FOXP3: variants seen among roughly 807,000 people sequenced by gnomAD.
FOXP3 encodes forkhead box P3.
FOXP3 carries 5 observed loss-of-function variants against 31.2 expected under a neutral mutation model. That is an observed-to-expected ratio of 0.16 (90% CI 0.08 to 0.34). The LOEUF (loss-of-function observed/expected upper bound fraction) is 0.34. FOXP3 is among the 10% of genes least tolerant of loss of function. FOXP3 has a pLI of 1.00. For synonymous variants in FOXP3, 141 were observed against 148.8 expected, an observed-to-expected ratio of 0.95 and a Z score of 0.38; for missense variants, 251 against 363.0, an observed-to-expected ratio of 0.69 and a Z score of 2.51.
At position 49,251,265 on chromosome X, in the gene FOXP3, G is replaced by T; in HGVS notation, c.*69C>A. On this transcript the variant is annotated 3_prime_UTR_variant, in exon 12 of 12. Transcript: ENST00000376207. Reference sequence around the variant, plus strand: ...GGCACATCCAGGGCCTATCATCCCTGCCCCCACCACCTCTGCCTCCCACCA... The same window carrying T: ...GGCACATCCAGGGCCTATCATCCCTTCCCCCACCACCTCTGCCTCCCACCA... 8.8e-7 allele frequency: 1 copy of T among 1,140,296 alleles called. No homozygotes were observed. Among genetic ancestry groups the T allele is most frequent in the Non-Finnish European group, 1.2e-6 (1 of 842,004 alleles). The allele number at this position is 1,140,296 out of a possible 1,213,427, so 94.0% of individuals were successfully genotyped here.
intron 9 of FOXP3, among the ~76,000 whole-genome samples, chrX:49,253,491 T>C (rs1557115847): frequency 8.8e-6 from 1 of 113,204 alleles, no homozygotes; most frequent in African/African-American, 3.2e-5. Flanking sequence ...AGGTCTCTGA[T>C]CCCTGCTAAG....
chrX:49,255,955 G>A (rs2066067104), intron 6 of FOXP3, among the ~76,000 whole-genome samples, 153 bp from the exon 7 acceptor site: 2 of 110,967 alleles, frequency 1.8e-5, no homozygotes, highest in South Asian at 7.6e-4. Context: ...CACACCCCTC[G>A]TTCCCTTAAC....
chrX:49,254,730 C>T (rs2066057248), intron 8 of FOXP3, among the ~76,000 whole-genome samples: 1 of 111,403 alleles, frequency 9.0e-6, no homozygotes, highest in Non-Finnish European at 1.9e-5. Context: ...GCCTGGCCTC[C>T]AGGGCTGGCT....
chrX:49,263,173 C>CAAAAAAAAA (rs72024386), intron 1 of FOXP3, among the ~76,000 whole-genome samples: 3 of 59,000 alleles, frequency 5.1e-5, no homozygotes, highest in Non-Finnish European at 9.0e-5. Context: ...ACCAGACAAC[C>CAAAAAAAAA]AAAAAAAAAA....
At position 49,256,274 on chromosome X, in the gene FOXP3, G is replaced by T. The variant is rs997174862; in HGVS notation, c.648-472C>A. On this transcript the variant is annotated intron_variant, in intron 6 of 11. Coordinates refer to ENST00000376207, the MANE Select transcript of FOXP3 (RefSeq NM_014009.4). ...AGAGAGAGAGAGAGAGAGAGAGAGA[G>T]ACATATGGGGGGACTGAGGGGAGGC... 7.7e-5 allele frequency among the ~76,000 whole-genome samples: 6 copies of T among 78,166 alleles called. No homozygotes were observed. The East Asian group carries it at 2.1e-3, about 27-fold the overall frequency. 67.9% of individuals were successfully genotyped at this position (78,166 alleles called of 115,157 possible).
intron 7 of FOXP3, 39 bp from the exon 8 acceptor site, chrX:49,255,548 T>C: frequency 8.7e-7 from 1 of 1,152,317 alleles, no homozygotes; most frequent in Non-Finnish European, 1.2e-6. Context: ...AGCCTGGCCC[T>C]TCTCTGCCAC....
intron 4 of FOXP3, 138 bp downstream of exon 4, chrX:49,257,289 T>G (rs2066080250): frequency 1.2e-6 from 1 of 851,813 alleles, no homozygotes; most frequent in Non-Finnish European, 1.6e-6. Context: ...TTTTGGAGGG[T>G]GGAGTTTCCA....
At chrX:49,255,149 A>G (rs1557116091) in intron 8 of FOXP3, among the ~76,000 whole-genome samples, 1 of 111,487 alleles carries the variant, frequency 9.0e-6, no homozygotes, top group African/African-American at 3.3e-5. Context: ...GGGTTTCACC[A>G]TCTTGGCGAG....
chrX:49,261,584 G>A lies in FOXP3; in HGVS notation c.-22-3057C>T, dbSNP rs11465467. Among the ~76,000 whole-genome samples, 211 of 112,686 alleles carry A rather than the reference G, an allele frequency of 1.9e-3. 1 individual carries two copies. The highest frequency in any genetic ancestry group is 6.6e-3 in the African/African-American group (204 of 31,086). ...ACTGACATGCCTCCATCATCACCAC[G>A]CTCTGGCCAACTAGGCCTCCTGACC... On this transcript the variant is annotated intron_variant, in intron 1 of 11. Transcript: ENST00000376207.
chrX:49,260,651 C>T (rs782271982), intron 1 of FOXP3, among the ~76,000 whole-genome samples: 2 of 112,596 alleles, frequency 1.8e-5, no homozygotes, highest in Non-Finnish European at 3.8e-5. Flanking sequence ...CCTGCACTGT[C>T]TGTTGGGACG....
intron 9 of FOXP3, 47 bp from the exon 10 acceptor site, chrX:49,253,249 C>A: frequency 9.3e-7 from 1 of 1,080,057 alleles, no homozygotes; most frequent in Middle Eastern, 2.5e-4. Context: ...GACCTCCTAG[C>A]TAGCTCCCTG....
chrX:49,259,839 A>C (rs1488817561), intron 1 of FOXP3, among the ~76,000 whole-genome samples: 1 of 111,661 alleles, frequency 9.0e-6, no homozygotes, highest in East Asian at 2.8e-4. Flanking sequence ...TTCCGTGTGC[A>C]CATTTTATAA....
At chrX:49,257,152 C>T (rs782102611) in intron 4 of FOXP3, 140 bp from the exon 5 acceptor site, 6 of 587,913 alleles carry the variant, frequency 1.0e-5, no homozygotes, top group African/African-American at 4.6e-5. Flanking sequence ...TCCCCAAAGT[C>T]CCAGGCTTCT....
At chrX:49,261,811 G>T (rs2066112028) in intron 1 of FOXP3, among the ~76,000 whole-genome samples, 1 of 112,036 alleles carries the variant, frequency 8.9e-6, no homozygotes, top group Admixed American at 9.4e-5. Flanking sequence ...CAGAACCAGG[G>T]TCCCACCTAG....
intron 1 of FOXP3, chrX:49,259,164 G>C (rs2066095304): frequency 3.8e-6 from 2 of 526,016 alleles, no homozygotes; most frequent in Non-Finnish European, 3.5e-6. Flanking sequence ...GTGGGCAAGA[G>C]GGAGAGTCAA....
rs1224110402 is a variant in FOXP3, at chrX:49,253,985, T to A, written c.899A>T (p.Glu300Val). 8.3e-7 allele frequency: 1 copy of A among 1,208,680 alleles called. No homozygotes were observed. The highest frequency in any genetic ancestry group is 1.1e-6 in the Non-Finnish European group (1 of 894,648). ...GACAGCAAACAGGCTGTCAGGGGCC[T>A]CCCGGGGGCCAGACCAGGCTGGGAC... The part of the protein sequence containing the change: ...PVVPAWSGPR[E>V]APDSLFAVRR... The change falls in exon 9 of 12, where the codon GAG becomes GTG. Residue 300 changes from glutamate (E) to valine (V), a missense_variant. By Grantham distance (121) the Glu-to-Val change is moderately radical. Transcript: ENST00000376207.
rs1788134055 is a variant in FOXP3, at chrX:49,250,481, G to A, written c.*853C>T. 1 of 492,516 alleles carries A rather than the reference G, an allele frequency of 2.0e-6. No individual in the cohort carries two copies. The highest frequency in any genetic ancestry group is 3.7e-6 in the Non-Finnish European group (1 of 272,874). 40.6% of individuals were successfully genotyped at this position (492,516 alleles called of 1,213,427 possible). On this transcript the variant is annotated 3_prime_UTR_variant, in exon 12 of 12. Coordinates refer to ENST00000376207, the MANE Select transcript of FOXP3 (RefSeq NM_014009.4). ...TTTATTGGGGACGGTACTGTGGGTT[G>A]GGGGCCTTGGATCCCAAATAAATGA...
chrX:49,257,406 G>A (rs2066080637), intron 4 of FOXP3, 21 bp downstream of exon 4: 1 of 1,133,483 alleles, frequency 8.8e-7, no homozygotes, highest in Non-Finnish European at 1.2e-6. Context: ...TGAAGCCATG[G>A]GGTACGGGCT....
chrX:49,253,823 G>T lies in FOXP3; in HGVS notation c.967+94C>A. 6.6e-6 allele frequency: 7 copies of T among 1,053,689 alleles called. No homozygotes were observed. The South Asian group carries it at 1.2e-4, about 18-fold the overall frequency. The allele number at this position is 1,053,689 out of a possible 1,213,427, so 86.8% of individuals were successfully genotyped here. Reference sequence around the variant, plus strand: ...GCAGCTGCAGTGGTGGTGGTGGTGGGAAGGGGCAGCATGGAGCTCCTTTGC... The same window carrying T: ...GCAGCTGCAGTGGTGGTGGTGGTGGTAAGGGGCAGCATGGAGCTCCTTTGC... On this transcript the variant is annotated intron_variant, in intron 9 of 11. Coordinates refer to ENST00000376207, the MANE Select transcript of FOXP3 (RefSeq NM_014009.4).
Sources: allele counts gnomAD v4.1 joint callset (sites outside exome capture counted in the v4.1 genomes callset), GRCh38; gene constraint gnomAD v4.1.1; transcripts MANE v1.5; gene names NCBI Gene and HGNC (gene_info 2026-07-23, HGNC 2026-07-21).